PRKG1: variants seen among roughly 807,000 people sequenced by gnomAD.
PRKG1 encodes cGMP-dependent protein kinase 1.
Under a neutral mutation model 88.1 loss-of-function variants are expected in PRKG1, and 35 were observed. That is an observed-to-expected ratio of 0.40 (90% confidence interval 0.30 to 0.53). PRKG1 has a LOEUF of 0.53. Among genes scored for constraint, PRKG1 ranks in the 20% least tolerant of loss-of-function variants. The pLI is 0.59. For missense variants in PRKG1, 540 were observed against 839.8 expected (o/e 0.64, Z 4.41); for synonymous variants, 303 against 292.5 (o/e 1.04, Z -0.37).
At chr10:51,821,588 C>T (rs1839746759) in intron 4 of PRKG1, among the ~76,000 whole-genome samples, 1 of 151,890 alleles carries the variant, frequency 6.6e-6, no homozygotes, top group Non-Finnish European at 1.5e-5. Context: ...TTTGAGTGTA[C>T]ACCCCATTAA....
intron 5 of PRKG1, among the ~76,000 whole-genome samples, chr10:51,977,133 C>CA (rs1337634893): frequency 2.0e-5 from 3 of 151,942 alleles, no homozygotes; most frequent in Non-Finnish European, 4.4e-5. Context: ...CACAACTCTC[C>CA]AATAGGCCCA....
chr10:52,002,776 T>C (rs564040991), intron 5 of PRKG1, among the ~76,000 whole-genome samples: 5 of 152,192 alleles, frequency 3.3e-5, no homozygotes, highest in Non-Finnish European at 7.4e-5. Context: ...AAAAACACTA[T>C]GAAAGATCAT....
At chr10:51,841,466 A>C (rs867329934) in intron 4 of PRKG1, among the ~76,000 whole-genome samples, 3 of 152,188 alleles carry the variant, frequency 2.0e-5, no homozygotes, top group African/African-American at 7.2e-5. Flanking sequence ...GGACTTGTGG[A>C]ATATGGGTAG....
chr10:51,248,475 A>T (rs10996318), intron 2 of PRKG1, among the ~76,000 whole-genome samples: 1 of 151,918 alleles, frequency 6.6e-6, no homozygotes, highest in African/African-American at 2.4e-5. Flanking sequence ...TATTATATTC[A>T]ACTTCACATT....
intron 5 of PRKG1, among the ~76,000 whole-genome samples, chr10:52,021,191 C>T (rs886963386): frequency 1.4e-4 from 22 of 152,312 alleles, no homozygotes; most frequent in African/African-American, 5.1e-4. Context: ...ACAAGTCATT[C>T]AGTGTTACTA....
chr10:51,043,991 T>C (rs577382158), intron 1 of PRKG1, among the ~76,000 whole-genome samples: 71 of 152,308 alleles, frequency 4.7e-4, no homozygotes, highest in Admixed American at 4.2e-3. Flanking sequence ...ACTAACTCAT[T>C]GAATCCTCAT....
intron 5 of PRKG1, among the ~76,000 whole-genome samples, chr10:51,963,761 G>A (rs900278815): frequency 6.6e-6 from 1 of 151,982 alleles, no homozygotes; most frequent in Non-Finnish European, 1.5e-5. Context: ...TTATTTTTAA[G>A]TTTCCTTGTG....
chr10:51,093,801 T>TATAC (rs373524517), intron 1 of PRKG1, among the ~76,000 whole-genome samples: 26 of 127,670 alleles, frequency 2.0e-4, no homozygotes, highest in African/African-American at 4.9e-4. Context: ...TATATATATA[T>TATAC]ACACACACAC....
At position 52,023,607 on chromosome 10, in the gene PRKG1, T is replaced by A. The variant is rs1352362300; in HGVS notation, c.763-30877T>A. ...TTCCTGACTTTTTAATGATCACTAT[T>A]CTAACTGGTATGAGATGGTATCTCA... is the stretch of plus-strand genomic sequence containing the variant. On this transcript the variant is annotated intron_variant, in intron 5 of 17. Transcript: ENST00000373980. Among the ~76,000 whole-genome samples, 7 of 152,374 alleles carry A rather than the reference T, an allele frequency of 4.6e-5. No individual in the cohort carries two copies. The East Asian group carries it at 1.3e-3, about 29-fold the overall frequency.
intron 2 of PRKG1, among the ~76,000 whole-genome samples, chr10:51,165,734 A>C (rs756781798): frequency 3.3e-5 from 5 of 152,206 alleles, no homozygotes; most frequent in Non-Finnish European, 5.9e-5. Context: ...AAAAAAAGGC[A>C]GGGGTTGCAA....
chr10:51,675,014 C>T (rs137984210), intron 3 of PRKG1, among the ~76,000 whole-genome samples: 22 of 152,180 alleles, frequency 1.4e-4, no homozygotes, highest in Admixed American at 2.6e-4. Context: ...GCAAATGTTA[C>T]GTAGGTATCT....
intron 2 of PRKG1, among the ~76,000 whole-genome samples, chr10:51,452,105 G>A (rs933136100): frequency 1.3e-5 from 2 of 151,792 alleles, no homozygotes; most frequent in African/African-American, 4.8e-5. Context: ...GTTCAAATCA[G>A]TGTCTTTTAG....
intron 1 of PRKG1, among the ~76,000 whole-genome samples, chr10:51,116,841 A>T (rs1275483449): frequency 6.6e-6 from 1 of 152,182 alleles, no homozygotes; most frequent in Non-Finnish European, 1.5e-5. Flanking sequence ...AGAAGATGGC[A>T]TTGCTATCAG....
intron 2 of PRKG1, among the ~76,000 whole-genome samples, chr10:51,387,870 T>G (rs1209617221): frequency 6.6e-6 from 1 of 152,208 alleles, no homozygotes; most frequent in African/African-American, 2.4e-5. Flanking sequence ...CTGCTGCTAC[T>G]GATATATTTT....
chr10:52,271,775 G>A (rs1258331029), intron 11 of PRKG1, among the ~76,000 whole-genome samples: 2 of 151,786 alleles, frequency 1.3e-5, no homozygotes, highest in African/African-American at 4.8e-5. Context: ...ACTCTACATA[G>A]ACCTTTGATG....
chr10:52,271,528 A>G lies in PRKG1; in HGVS notation c.1313+39A>G, dbSNP rs368326035. On this transcript the variant is annotated intron_variant, in intron 11 of 17. Transcript: ENST00000373980. ...GCCAGGGACAGACGTACCCAACTCCAAGTGACAAATCCACCACAAAACCCT... is the reference window on the plus strand; with the variant it reads ...GCCAGGGACAGACGTACCCAACTCCGAGTGACAAATCCACCACAAAACCCT... 29 of 1,593,588 alleles carry G rather than the reference A, an allele frequency of 1.8e-5. No individual in the cohort carries two copies. In the African/African-American group the frequency reaches 3.6e-4, roughly 20 times the overall value.
chr10:52,189,898 T>A (rs532138199), intron 9 of PRKG1, among the ~76,000 whole-genome samples: 1 of 152,368 alleles, frequency 6.6e-6, no homozygotes, highest in East Asian at 1.9e-4. Context: ...GAGCCACATC[T>A]TTAATAATGA....
At chr10:51,965,126 T>C (rs1008275254) in intron 5 of PRKG1, among the ~76,000 whole-genome samples, 1 of 152,170 alleles carries the variant, frequency 6.6e-6, no homozygotes, top group African/African-American at 2.4e-5. Context: ...GTATGCAGGT[T>C]TGTTCCGTAG....
chr10:51,392,215 G>A (rs150592134), intron 2 of PRKG1, among the ~76,000 whole-genome samples: 5 of 151,988 alleles, frequency 3.3e-5, no homozygotes, highest in African/African-American at 1.2e-4. Flanking sequence ...AATAATGGAG[G>A]GAGGGTCAGC....
Sources: gnomAD v4.1 joint callset for allele counts (sites outside exome capture counted in the v4.1 genomes callset) on GRCh38, gnomAD v4.1.1 for gene constraint, MANE v1.5 for transcripts, NCBI Gene and HGNC (gene_info 2026-07-23, HGNC 2026-07-21) for gene names.